SLC12A9: variants seen among roughly 807,000 people sequenced by gnomAD.
The protein encoded by SLC12A9 is CCC-interacting protein 1.
In SLC12A9, 55 loss-of-function variants were observed where a neutral mutation model predicts 66.0. That is an observed-to-expected ratio of 0.83 (90% CI 0.67 to 1.04). SLC12A9 has a LOEUF of 1.04. Among genes scored for constraint, SLC12A9 ranks in the 50% least tolerant of loss-of-function variants. The pLI, the probability that SLC12A9 is intolerant of heterozygous loss-of-function variation, is 0.00. For synonymous variants in SLC12A9, 577 were observed against 569.0 expected (o/e 1.01, Z -0.20); for missense variants, 1,061 against 1,241.9 (o/e 0.85, Z 2.19).
intron 1 of SLC12A9, among the ~76,000 whole-genome samples, chr7:100,839,104 A>G (rs1482588774): frequency 6.6e-6 from 1 of 152,112 alleles, no homozygotes; most frequent in East Asian, 1.9e-4. Context: ...CGGGTGGATC[A>G]CGAGGTCAGG....
At chr7:100,860,901 T>C (rs989579810) in intron 9 of SLC12A9, 9 of 673,298 alleles carry the variant, frequency 1.3e-5, no homozygotes, top group Admixed American at 2.2e-5. Flanking sequence ...TTTTGGGGTT[T>C]AATAGCATTT....
At chr7:100,860,116 G>T (rs1350158573) in intron 8 of SLC12A9, 34 bp from the exon 9 acceptor site, 16 of 1,614,082 alleles carry the variant, frequency 9.9e-6, no homozygotes, top group Non-Finnish European at 1.2e-5. Flanking sequence ...CTGAGCCCTG[G>T]CTGATGTGTC....
chr7:100,858,646 C>T (rs1195141528), intron 5 of SLC12A9, 189 bp from the exon 6 acceptor site: 9 of 581,494 alleles, frequency 1.5e-5, no homozygotes, highest in Non-Finnish European at 2.2e-5. Context: ...GGAGGAATAT[C>T]GGAGCACTGG....
At chr7:100,831,092 G>C (rs1238700811) in intron 1 of SLC12A9, among the ~76,000 whole-genome samples, 1 of 152,204 alleles carries the variant, frequency 6.6e-6, no homozygotes, top group Non-Finnish European at 1.5e-5. Flanking sequence ...CCAGCCCAGA[G>C]CAATATACTG....
intron 1 of SLC12A9, among the ~76,000 whole-genome samples, chr7:100,853,879 C>T (rs1239833399): frequency 6.6e-6 from 1 of 152,152 alleles, no homozygotes; most frequent in African/African-American, 2.4e-5. Flanking sequence ...CAGGCATGAG[C>T]CACCATGCCC....
intron 1 of SLC12A9, among the ~76,000 whole-genome samples, chr7:100,843,740 T>C (rs937472519): frequency 1.4e-4 from 21 of 152,180 alleles, no homozygotes; most frequent in Non-Finnish European, 2.4e-4. Context: ...ACCTCATTGG[T>C]TACAAATGCT....
At chr7:100,845,171 A>G (rs550467208) in intron 1 of SLC12A9, among the ~76,000 whole-genome samples, 14 of 151,348 alleles carry the variant, frequency 9.3e-5, no homozygotes, top group South Asian at 2.1e-4. Flanking sequence ...ACTTCAAACC[A>G]CACAGAGAAA....
intron 1 of SLC12A9, among the ~76,000 whole-genome samples, chr7:100,845,951 A>G (rs1177533444): frequency 6.6e-6 from 1 of 152,258 alleles, no homozygotes; most frequent in African/African-American, 2.4e-5. Flanking sequence ...CAAGAAACTC[A>G]GATGAGAAAT....
intron 1 of SLC12A9, among the ~76,000 whole-genome samples, chr7:100,834,059 C>T (rs933663785): frequency 3.3e-5 from 5 of 151,896 alleles, no homozygotes; most frequent in Admixed American, 1.3e-4. Flanking sequence ...GCCTCACCAG[C>T]ATCCAGGTGG....
rs1814646252 is a variant in SLC12A9 at position 100,860,018 on chromosome 7, G to A, written c.1111G>A (p.Ala371Thr). The change falls in exon 8 of 14, where the codon GCC (alanine) becomes ACC (threonine). Residue 371 changes from alanine (A) to threonine (T), a missense_variant. Physicochemically the swap from Ala to Thr is moderately conservative, Grantham distance 58. Coordinates refer to ENST00000354161, the MANE Select transcript of SLC12A9 (RefSeq NM_020246.4). Reference sequence around the variant, plus strand: ...CATTGGTGCCTCCCGCATCCTCCATGCCCTGGCCCGGGATGACCTCTTTGG... The same window carrying A: ...CATTGGTGCCTCCCGCATCCTCCATACCCTGGCCCGGGATGACCTCTTTGG... ...SLIGASRILH[A>T]LARDDLFGVI... 1 of 1,613,918 alleles carries A rather than the reference G, an allele frequency of 6.2e-7. No homozygotes were observed. The highest frequency in any genetic ancestry group is 1.3e-5 in the African/African-American group (1 of 74,932).
chr7:100,851,937 G>A (rs1207262716), upstream of SLC12A9, among the ~76,000 whole-genome samples: 4 of 152,096 alleles, frequency 2.6e-5, no homozygotes, highest in Non-Finnish European at 4.4e-5. Context: ...ACCTTTAGGC[G>A]TTGTTCTAAA....
Position 100,856,906 on chromosome 7 carries a change from G to T in SLC12A9, c.487G>T (p.Gly163Cys). Residue 163 changes from glycine to cysteine, a missense_variant, in exon 5 of 14, where the codon GGC (glycine) becomes TGC (cysteine). Transcript: ENST00000354161. ...GPSGLRVLPQ[G>C]YGWNLLYGSL... ...CAGTGGGCTCCGGGTCCTGCCCCAGGGCTACGGCTGGAACCTGCTGTATGG... is the reference window on the plus strand; with the variant it reads ...CAGTGGGCTCCGGGTCCTGCCCCAGTGCTACGGCTGGAACCTGCTGTATGG... The T allele has an allele frequency of 6.2e-7, 1 of 1,609,172 alleles. No homozygotes were observed.
At chr7:100,859,026 A>G (rs1584700258) in intron 6 of SLC12A9, 24 bp from the exon 7 acceptor site, 1 of 1,610,584 alleles carries the variant, frequency 6.2e-7, no homozygotes, top group Admixed American at 1.7e-5. Context: ...GGCTGACCTC[A>G]CTCCCTCTGC....
chr7:100,851,425 GT>G (rs1212494855), upstream of SLC12A9, among the ~76,000 whole-genome samples: 323 of 135,578 alleles, frequency 2.4e-3, no homozygotes, highest in Middle Eastern at 3.7e-3. Flanking sequence ...CCCTGAAAAA[GT>G]TTTTTTTTTT....
chr7:100,866,058 G>A lies in SLC12A9; in HGVS notation c.2198G>A (p.Arg733Gln), dbSNP rs746876003. Residue 733 changes from arginine (R) to glutamine (Q), a missense_variant, in exon 14 of 14, where the codon CGG becomes CAG. Arg to Gln is a conservative substitution (Grantham distance 43). Transcript: ENST00000354161. This position sits in a 1 kb window ranked among gnomAD's most constrained non-coding sequence, Gnocchi z 7.3. ...GACGTGTGGCCCCTCAACCTGCTGC[G>A]GCCCCGGGGTGGGCCCGGCTATGTG... ...HVDVWPLNLL[R>Q]PRGGPGYVDV... The A allele has an allele frequency of 6.2e-6, 10 of 1,612,766 alleles. No homozygotes were observed. Among genetic ancestry groups the A allele is most frequent in the East Asian group, 2.2e-5 (1 of 44,876 alleles).
At chr7:100,834,987 T>A (rs1813620418) in intron 1 of SLC12A9, among the ~76,000 whole-genome samples, 1 of 151,528 alleles carries the variant, frequency 6.6e-6, no homozygotes, top group Admixed American at 6.6e-5. Context: ...GCCGCCGTGA[T>A]CACACCACTG....
intron 1 of SLC12A9, among the ~76,000 whole-genome samples, chr7:100,841,004 A>T (rs951195012): frequency 4.5e-5 from 6 of 132,032 alleles, no homozygotes; most frequent in Non-Finnish European, 7.6e-5. Context: ...AAAAAAAAGT[A>T]AAAAAAAAAA....
At chr7:100,847,246 C>T (rs1052509177) in intron 1 of SLC12A9, among the ~76,000 whole-genome samples, 3 of 152,326 alleles carry the variant, frequency 2.0e-5, no homozygotes, top group South Asian at 2.1e-4. Context: ...GTGATCCACC[C>T]GCCTTGGCCT....
rs567190336 is a variant in SLC12A9, at chr7:100,859,839, C to A, written c.978-46C>A. On this transcript the variant is annotated intron_variant, in intron 7 of 13. Transcript: ENST00000354161. ...AAGATCGGGGCTGGAGATTTTCTTA[C>A]CCCGTGACGCATGATCATCCGTGTC... 97 of 1,563,644 alleles carry A rather than the reference C, an allele frequency of 6.2e-5. No individual in the cohort carries two copies. The East Asian group carries it at 2.1e-3, about 34-fold the overall frequency.
Sources: allele counts gnomAD v4.1 joint callset (sites outside exome capture counted in the v4.1 genomes callset), GRCh38; gene constraint gnomAD v4.1.1; non-coding constraint Gnocchi (gnomAD v3.1); transcripts MANE v1.5; gene names NCBI Gene and HGNC (gene_info 2026-07-23, HGNC 2026-07-21).